Variants in HSDL1 observed in about 807,000 individuals in gnomAD.
HSDL1 encodes the protein hydroxysteroid dehydrogenase like 1, also known as inactive hydroxysteroid dehydrogenase-like protein 1.
A neutral mutation model predicts 31.5 loss-of-function variants in HSDL1; 29 were observed. The ratio of observed to expected loss-of-function variants is 0.92; its 90% confidence interval spans 0.69 to 1.26. The LOEUF (loss-of-function observed/expected upper bound fraction) is 1.26. Among genes scored for constraint, HSDL1 ranks in the 50% most tolerant of loss-of-function variants. HSDL1 has a pLI of 0.00. For missense variants in HSDL1, 503 were observed against 416.6 expected (o/e 1.21, Z -1.81); for synonymous variants, 222 against 155.2 (o/e 1.43, Z -3.20).
At chr16:84,141,634 T>C (rs1212900222) in intron 1 of HSDL1, among the ~76,000 whole-genome samples, 1 of 152,238 alleles carries the variant, frequency 6.6e-6, no homozygotes, top group East Asian at 1.9e-4. Flanking sequence ...AGCAGGTTCG[T>C]GCCACTCCTC....
At chr16:84,142,805 A>C (rs1447046537) in intron 1 of HSDL1, among the ~76,000 whole-genome samples, 1 of 152,144 alleles carries the variant, frequency 6.6e-6, no homozygotes, top group Non-Finnish European at 1.5e-5. Context: ...AACAGAATCA[A>C]ATACTGCTTT....
Position 84,124,390 on chromosome 16 carries a change from A to G in HSDL1, c.*240T>C. The G allele has an allele frequency of 2.8e-6, 1 of 362,136 alleles. No homozygotes were observed. The highest frequency in any genetic ancestry group is 3.9e-5 in the South Asian group (1 of 25,452). 22.4% of individuals were successfully genotyped at this position (362,136 alleles called of 1,614,324 possible). A position where few individuals can be genotyped will look rare whatever the true frequency, so the allele number is the denominator to read the frequency against. ...TAACTTTCAAACAGCTTAGGGAAAAAGCACTGAAATGTAGATGTCGTCAAT... is the reference window on the plus strand; with the variant it reads ...TAACTTTCAAACAGCTTAGGGAAAAGGCACTGAAATGTAGATGTCGTCAAT... On this transcript the variant is annotated 3_prime_UTR_variant, in exon 6 of 6. Transcript: ENST00000219439.
In HSDL1 at chr16:84,143,491, T is replaced by C. The variant is rs149400877; in HGVS notation, c.-69+1589A>G. 2.4e-3 allele frequency among the ~76,000 whole-genome samples: 361 copies of C among 152,298 alleles called. 2 individuals carry two copies. The highest frequency in any genetic ancestry group is 7.9e-3 in the African/African-American group (328 of 41,568). ...GTTAATGGGGTTGGGGTTTCTTTTG[T>C]AGGTGATTAAATGTTCTGGAATTAG... On this transcript the variant is annotated intron_variant, in intron 1 of 5. Transcript: ENST00000219439.
At chr16:84,136,015 C>T (rs1443757828) in intron 1 of HSDL1, among the ~76,000 whole-genome samples, 1 of 152,258 alleles carries the variant, frequency 6.6e-6, no homozygotes, top group Non-Finnish European at 1.5e-5. Context: ...TGCCTGGTGC[C>T]TGTCTGGGTT....
At chr16:84,129,800 G>A (rs779650563) in intron 4 of HSDL1, 25 bp from the exon 5 acceptor site, 1 of 1,569,476 alleles carries the variant, frequency 6.4e-7, no homozygotes, top group South Asian at 1.1e-5. Flanking sequence ...GGGAGGAAAA[G>A]ACTTTTAATT....
chr16:84,131,852 TG>T (rs1454436651), intron 2 of HSDL1, among the ~76,000 whole-genome samples: 2 of 152,226 alleles, frequency 1.3e-5, no homozygotes, highest in Non-Finnish European at 2.9e-5. Flanking sequence ...GCTAATTTTT[TG>T]TATTTTTAGT....
intron 1 of HSDL1, among the ~76,000 whole-genome samples, chr16:84,138,885 C>T (rs770795425): frequency 1.8e-4 from 27 of 152,210 alleles, no homozygotes; most frequent in South Asian, 4.1e-4. Context: ...CAAAGCACCA[C>T]TGCTGTGGCC....
chr16:84,124,725 G>T lies in HSDL1; in HGVS notation c.898C>A (p.Leu300Ile), dbSNP rs781385800. 5 of 1,610,394 alleles carry T rather than the reference G, an allele frequency of 3.1e-6. No homozygotes were observed. Among genetic ancestry groups the T allele is most frequent in the South Asian group, 1.1e-5 (1 of 90,980 alleles). ...TGYWSHSIQFLFAQYMPEWLW... is the reference protein window; with the variant it reads ...TGYWSHSIQFIFAQYMPEWLW... ...CATTCAGGCATATACTGTGCAAAAAGAAACTAAAAATGAAAGAGAAAAAGG... is the reference window on the plus strand; with the variant it reads ...CATTCAGGCATATACTGTGCAAAAATAAACTAAAAATGAAAGAGAAAAAGG... Residue 300 changes from leucine (L) to isoleucine (I), a missense_variant, in exon 6 of 6, where the codon CTT (leucine) becomes ATT (isoleucine). Leu to Ile is a conservative substitution (Grantham distance 5, BLOSUM62 2). Transcript: ENST00000219439.
intron 5 of HSDL1, among the ~76,000 whole-genome samples, chr16:84,128,531 T>C (rs2086630667): frequency 6.6e-6 from 1 of 152,162 alleles, no homozygotes. Context: ...TATACAGAGA[T>C]ATTATTTGAT....
chr16:84,138,225 T>C (rs2086731068), intron 1 of HSDL1, among the ~76,000 whole-genome samples: 1 of 152,248 alleles, frequency 6.6e-6, no homozygotes, highest in African/African-American at 2.4e-5. Context: ...TAAAACACAG[T>C]AAAATTCTGA....
intron 2 of HSDL1, among the ~76,000 whole-genome samples, chr16:84,133,155 A>G (rs1014827300): frequency 6.6e-6 from 1 of 152,080 alleles, no homozygotes; most frequent in African/African-American, 2.4e-5. Context: ...TGAACCACTG[A>G]AACGGAACAC....
chr16:84,140,966 C>T (rs1597380751), intron 1 of HSDL1, among the ~76,000 whole-genome samples: 1 of 151,874 alleles, frequency 6.6e-6, no homozygotes, highest in Non-Finnish European at 1.5e-5. Context: ...TGGTGGGCGC[C>T]TGTAGTCCCA....
chr16:84,126,030 G>T lies in HSDL1; in HGVS notation c.895-1302C>A, dbSNP rs1163518534. Among the ~76,000 whole-genome samples the T allele has an allele frequency of 2.0e-5, 3 of 151,812 alleles. No homozygotes were observed. The East Asian group carries it at 5.8e-4, about 29-fold the overall frequency. ...AGGCAGGAAAATGGTGTGAACCGGG[G>T]AGGCGGAGCTTGCAGTGAGCCGAGA... is the stretch of plus-strand genomic sequence containing the variant. On this transcript the variant is annotated intron_variant, in intron 5 of 5. Transcript: ENST00000219439.
rs760027520 is a variant in HSDL1 at position 84,129,865 on chromosome 16, GA to G, written c.667-91del. The G allele has an allele frequency of 2.8e-6, 4 of 1,414,262 alleles. No homozygotes were observed. The Admixed American group carries it at 6.4e-5, about 23-fold the overall frequency. 87.6% of individuals were successfully genotyped at this position (1,414,262 alleles called of 1,614,324 possible). A position where few individuals can be genotyped will look rare whatever the true frequency, so the allele number is the denominator to read the frequency against. ...AAAGACTTGCTTATTATCAATTCAG[GA>G]AAAAATACAGGATAAGCATATGTGA... is the stretch of plus-strand genomic sequence containing the variant. On this transcript the variant is annotated intron_variant, in intron 4 of 5. Coordinates refer to ENST00000219439, the MANE Select transcript of HSDL1 (RefSeq NM_031463.5).
Position 84,130,015 on chromosome 16 carries a change from G to T in HSDL1, c.637C>A (p.Pro213Thr). ...ISSGSCCKPT[P>T]QLAAFSASKA... Reference sequence around the variant, plus strand: ...GAAGCAGAAAATGCAGCCAGCTGAGGAGTGGGTTTGCAGCAGGAGCCAGAA... The same window carrying T: ...GAAGCAGAAAATGCAGCCAGCTGAGTAGTGGGTTTGCAGCAGGAGCCAGAA... The change falls in exon 4 of 6, where the codon CCT becomes ACT. Residue 213 changes from proline (P) to threonine (T), a missense_variant. Transcript: ENST00000219439. 6.2e-7 allele frequency: 1 copy of T among 1,614,050 alleles called. No homozygotes were observed. Among genetic ancestry groups the T allele is most frequent in the Non-Finnish European group, 8.5e-7 (1 of 1,179,934 alleles).
At chr16:84,137,438 G>C (rs1252534050) in intron 1 of HSDL1, among the ~76,000 whole-genome samples, 1 of 152,224 alleles carries the variant, frequency 6.6e-6, no homozygotes, top group Non-Finnish European at 1.5e-5. Flanking sequence ...CGCCAGACTG[G>C]AGTGCATGGA....
At chr16:84,144,222 G>C (rs1375988119) in intron 1 of HSDL1, 2 of 152,070 alleles carry the variant, frequency 1.3e-5, no homozygotes, top group Non-Finnish European at 2.9e-5. Flanking sequence ...CCCGTTTATA[G>C]ATGGGGAAAT....
At chr16:84,133,381 G>C (rs995193717) in intron 2 of HSDL1, among the ~76,000 whole-genome samples, 1 of 152,168 alleles carries the variant, frequency 6.6e-6, no homozygotes, top group Non-Finnish European at 1.5e-5. Flanking sequence ...TACTGGTACC[G>C]TATTAAGTTG....
At chr16:84,138,587 T>C (rs2086735201) in intron 1 of HSDL1, among the ~76,000 whole-genome samples, 1 of 152,252 alleles carries the variant, frequency 6.6e-6, no homozygotes, top group African/African-American at 2.4e-5. Flanking sequence ...TAAATTTATA[T>C]AATTTTATTT....
Sources: gnomAD v4.1 joint callset for allele counts (sites outside exome capture counted in the v4.1 genomes callset) on GRCh38, gnomAD v4.1.1 for gene constraint, MANE v1.5 for transcripts, NCBI Gene and HGNC (gene_info 2026-07-23, HGNC 2026-07-21) for gene names.